IQCM: variants seen among roughly 807,000 people sequenced by gnomAD.
IQCM encodes the protein IQ motif containing M.
IQCM carries 45 observed loss-of-function variants against 57.6 expected under a neutral mutation model. The observed-to-expected ratio is 0.78, with a 90% CI of 0.62 to 1.00. IQCM has a LOEUF of 1.00. IQCM is among the 50% of genes least tolerant of loss of function. The probability of loss-of-function intolerance (pLI) is 0.00; values close to 1 mark genes in which losing one functional copy is unlikely to be tolerated. For missense variants in IQCM, 468 were observed against 511.6 expected, an observed-to-expected ratio of 0.91 and a Z score of 0.82; for synonymous variants, 148 against 158.9, an observed-to-expected ratio of 0.93 and a Z score of 0.51.
At chr4:149,363,438 A>G (rs1346020003) in intron 13 of IQCM, among the ~76,000 whole-genome samples, 2 of 152,186 alleles carry the variant, frequency 1.3e-5, no homozygotes, top group East Asian at 3.9e-4. Context: ...TGTAGAATTT[A>G]TTGCAATTAT....
At chr4:149,415,073 A>G (rs1168509344) in intron 13 of IQCM, among the ~76,000 whole-genome samples, 2 of 152,162 alleles carry the variant, frequency 1.3e-5, no homozygotes, top group African/African-American at 4.8e-5. Context: ...CTCACTTTAT[A>G]TGACTTCTAA....
At chr4:149,502,810 G>A (rs1743398908) in intron 12 of IQCM, among the ~76,000 whole-genome samples, 1 of 152,126 alleles carries the variant, frequency 6.6e-6, no homozygotes, top group African/African-American at 2.4e-5. Flanking sequence ...GAATGTAGAG[G>A]ATGAATGAGT....
At chr4:149,579,454 A>T (rs1331666331) in intron 9 of IQCM, among the ~76,000 whole-genome samples, 2 of 151,840 alleles carry the variant, frequency 1.3e-5, no homozygotes, top group African/African-American at 4.8e-5. Flanking sequence ...TGTTCTGCCT[A>T]TCAGAGCAGT....
At chr4:149,679,659 G>A (rs1213979526) in intron 7 of IQCM, among the ~76,000 whole-genome samples, 2 of 150,136 alleles carry the variant, frequency 1.3e-5, no homozygotes, top group Non-Finnish European at 1.5e-5. Flanking sequence ...TGCATGAATT[G>A]TAAAAAAAAA....
intron 12 of IQCM, among the ~76,000 whole-genome samples, chr4:149,521,071 A>C (rs1745589730): frequency 6.6e-6 from 1 of 152,130 alleles, no homozygotes; most frequent in Non-Finnish European, 1.5e-5. Flanking sequence ...GGTCCATAAG[A>C]ATCTGTTCTT....
intron 12 of IQCM, among the ~76,000 whole-genome samples, chr4:149,452,121 A>G (rs1737182705): frequency 6.6e-6 from 1 of 151,768 alleles, no homozygotes. Flanking sequence ...TAAACATAGA[A>G]GTATAAATCA....
intron 12 of IQCM, among the ~76,000 whole-genome samples, chr4:149,480,805 ACT>A (rs1351350962): frequency 6.6e-6 from 1 of 151,810 alleles, no homozygotes; most frequent in Non-Finnish European, 1.5e-5. Context: ...TCCTATAGTA[ACT>A]CTATTTTTAG....
chr4:149,622,586 A>G (rs1332654438), intron 7 of IQCM, among the ~76,000 whole-genome samples: 2 of 152,072 alleles, frequency 1.3e-5, no homozygotes, highest in Non-Finnish European at 2.9e-5. Flanking sequence ...TATTCAACGG[A>G]AGCAAAGGCC....
intron 12 of IQCM, among the ~76,000 whole-genome samples, chr4:149,488,578 TG>T (rs1421240685): frequency 1.3e-5 from 2 of 152,150 alleles, no homozygotes; most frequent in Admixed American, 1.3e-4. Context: ...CTGCTGTTTT[TG>T]AGGTTGTATA....
intron 13 of IQCM, among the ~76,000 whole-genome samples, chr4:149,368,103 G>T (rs1429875772): frequency 1.3e-5 from 2 of 151,966 alleles, no homozygotes; most frequent in East Asian, 3.9e-4. Context: ...ATAAAAGTTT[G>T]AAATTTATAT....
chr4:149,637,716 T>A (rs1001239799), intron 7 of IQCM, among the ~76,000 whole-genome samples: 1 of 152,140 alleles, frequency 6.6e-6, no homozygotes, highest in African/African-American at 2.4e-5. Context: ...AGTACCTAAA[T>A]CGACCTGCAT....
At chr4:149,431,953 G>T (rs528763317) in intron 13 of IQCM, among the ~76,000 whole-genome samples, 1 of 150,574 alleles carries the variant, frequency 6.6e-6, no homozygotes, top group South Asian at 2.1e-4. Context: ...ATATATATGT[G>T]TATGTGTGTG....
chr4:149,589,014 T>G (rs371616237), intron 8 of IQCM, among the ~76,000 whole-genome samples: 14 of 151,926 alleles, frequency 9.2e-5, no homozygotes, highest in African/African-American at 3.1e-4. Flanking sequence ...ATAAGAAGAA[T>G]AACTGAGGAA....
intron 2 of IQCM, among the ~76,000 whole-genome samples, chr4:149,791,409 G>A (rs1566801): frequency 0.49 from 74,158 of 151,970 alleles, 21,818 homozygotes; most frequent in African/African-American, 0.8. Flanking sequence ...TCAAGGATTT[G>A]TCATTTCTTT....
chr4:149,649,425 C>A (rs1161325872), intron 7 of IQCM, among the ~76,000 whole-genome samples: 1 of 152,116 alleles, frequency 6.6e-6, no homozygotes, highest in African/African-American at 2.4e-5. Context: ...ACAGGTGTGG[C>A]ACTCCAATAT....
chr4:149,461,866 A>G (rs1311287578), intron 12 of IQCM, among the ~76,000 whole-genome samples: 2 of 151,886 alleles, frequency 1.3e-5, no homozygotes, highest in East Asian at 3.9e-4. Flanking sequence ...TCCTGACACT[A>G]TATCTGGCAG....
chr4:149,462,373 A>G (rs1359041694), intron 12 of IQCM, among the ~76,000 whole-genome samples: 2 of 152,196 alleles, frequency 1.3e-5, no homozygotes, highest in African/African-American at 4.8e-5. Flanking sequence ...ATAATGATAA[A>G]TAACTACACA....
At chr4:149,572,729 G>A (rs1395213562) in intron 9 of IQCM, among the ~76,000 whole-genome samples, 1 of 151,524 alleles carries the variant, frequency 6.6e-6, no homozygotes, top group Non-Finnish European at 1.5e-5. Context: ...CACACACCTG[G>A]CAAAAAATAA....
chr4:149,401,843 T>C (rs1445533547), intron 13 of IQCM, among the ~76,000 whole-genome samples: 1 of 151,814 alleles, frequency 6.6e-6, no homozygotes, highest in East Asian at 1.9e-4. Context: ...CTTAGCACAA[T>C]TTGAAGATTC....
Sources: gnomAD v4.1 joint callset for allele counts (sites outside exome capture counted in the v4.1 genomes callset) on GRCh38, gnomAD v4.1.1 for gene constraint, MANE v1.5 for transcripts, NCBI Gene and HGNC (gene_info 2026-07-23, HGNC 2026-07-21) for gene names.